The following FGF12 variants were observed in gnomAD, a reference collection of about 807,000 sequenced individuals.
FGF12 encodes the protein fibroblast growth factor 12B.
In FGF12, 14 loss-of-function variants were observed where a neutral mutation model predicts 23.6. The observed-to-expected ratio is 0.59, with a 90% CI of 0.39 to 0.93. FGF12 has a LOEUF of 0.93. Ranked by LOEUF, FGF12 falls within the 40% of genes least tolerant of loss-of-function variation. FGF12 has a pLI of 0.00. For missense variants in FGF12, 175 were observed against 217.8 expected (o/e 0.80, Z 1.24); for synonymous variants, 62 against 77.3 (o/e 0.80, Z 1.04).
chr3:192,660,411 AATG>A (rs1434707753), intron 2 of FGF12, among the ~76,000 whole-genome samples: 1 of 151,198 alleles, frequency 6.6e-6, no homozygotes, highest in Non-Finnish European at 1.5e-5. Context: ...CCTCATGTTA[AATG>A]ATGAGTTAAT....
intron 2 of FGF12, among the ~76,000 whole-genome samples, chr3:192,466,352 C>G (rs80128133): frequency 0.011 from 1,709 of 152,204 alleles, 25 homozygotes; most frequent in African/African-American, 0.04. Flanking sequence ...AGAATGTATG[C>G]GTGGTCTTCG....
At chr3:192,499,122 A>T (rs1462930028) in intron 2 of FGF12, among the ~76,000 whole-genome samples, 1 of 152,130 alleles carries the variant, frequency 6.6e-6, no homozygotes, top group African/African-American at 2.4e-5. Flanking sequence ...AGTGATACTA[A>T]ATAAGTTATA....
chr3:192,497,123 C>T (rs1302313924), intron 2 of FGF12, among the ~76,000 whole-genome samples: 1 of 152,144 alleles, frequency 6.6e-6, no homozygotes, highest in African/African-American at 2.4e-5. Flanking sequence ...CACATTCAAA[C>T]AGAACACTTT....
At chr3:192,640,963 C>T (rs539280113) in intron 2 of FGF12, among the ~76,000 whole-genome samples, 2 of 152,182 alleles carry the variant, frequency 1.3e-5, no homozygotes, top group East Asian at 1.9e-4. Flanking sequence ...CAGGTACATG[C>T]CACCATGCCC....
At chr3:192,556,738 T>C (rs1452627755) in intron 2 of FGF12, among the ~76,000 whole-genome samples, 2 of 152,036 alleles carry the variant, frequency 1.3e-5, no homozygotes, top group Non-Finnish European at 2.9e-5. Flanking sequence ...CACAAAACAT[T>C]CTCCAGGATA....
chr3:192,334,636 A>G (rs760062204), intron 4 of FGF12, among the ~76,000 whole-genome samples: 4 of 152,110 alleles, frequency 2.6e-5, no homozygotes, highest in Non-Finnish European at 5.9e-5. Flanking sequence ...AAAATATGTC[A>G]GTGCTGATAA....
At chr3:192,292,776 T>C (rs1360976459) in intron 4 of FGF12, among the ~76,000 whole-genome samples, 1 of 152,092 alleles carries the variant, frequency 6.6e-6, no homozygotes, top group East Asian at 1.9e-4. Flanking sequence ...AGGGACTTCT[T>C]ATTTATTTTC....
At position 192,335,444 on chromosome 3, in the gene FGF12, C is replaced by G. The variant is rs199832838; in HGVS notation, c.145G>C (p.Val49Leu). The G allele has an allele frequency of 6.2e-7, 1 of 1,612,494 alleles. No individual in the cohort carries two copies. Among genetic ancestry groups the G allele is most frequent in the Non-Finnish European group, 8.5e-7 (1 of 1,179,096 alleles). ...SDYTLFNLIP[V>L]GLRVVAIQGV... ...TGGATGGCCACTACACGCAGGCCCA[C>G]GGGAATTAGATTGAAGAGAGCTGGG... Residue 49 changes from valine to leucine, a missense_variant, in exon 4 of 6, where the codon GTG becomes CTG. By Grantham distance (32) the Val-to-Leu change is conservative. Coordinates refer to ENST00000445105, the MANE Select transcript of FGF12 (RefSeq NM_004113.6).
intron 3 of FGF12, among the ~76,000 whole-genome samples, chr3:192,339,388 T>C (rs1717582130): frequency 6.6e-6 from 1 of 152,160 alleles, no homozygotes; most frequent in Admixed American, 6.6e-5. Context: ...TTTAAGTCCC[T>C]TGCATCCTCT....
At position 192,666,925 on chromosome 3, in the gene FGF12, A is replaced by AGAT. The variant is rs1170927912; in HGVS notation, c.13+60253_13+60255dup. Among the ~76,000 whole-genome samples, 3 of 125,564 alleles carry AGAT rather than the reference A, an allele frequency of 2.4e-5. No individual in the cohort carries two copies. In the Admixed American group the frequency reaches 2.7e-4, roughly 11 times the overall value. The allele number at this position is 125,564 out of a possible 152,430, so 82.4% of individuals were successfully genotyped here. A position where few individuals can be genotyped will look rare whatever the true frequency, so the allele number is the denominator to read the frequency against. On this transcript the variant is annotated intron_variant, in intron 2 of 5. Coordinates refer to ENST00000445105, the MANE Select transcript of FGF12 (RefSeq NM_004113.6). ...ATAGTTGGATAGATAGATGATAGAT[A>AGAT]GATAGATAGATAGATAGATAGATAG...
chr3:192,683,709 G>T (rs1196582990), intron 2 of FGF12, among the ~76,000 whole-genome samples: 1 of 152,154 alleles, frequency 6.6e-6, no homozygotes, highest in Non-Finnish European at 1.5e-5. Flanking sequence ...CTCTTTAAAT[G>T]CTACTCTGCG....
intron 2 of FGF12, among the ~76,000 whole-genome samples, chr3:192,678,168 CTTA>C (rs1717394468): frequency 6.6e-6 from 1 of 152,216 alleles, no homozygotes; most frequent in Admixed American, 6.5e-5. Context: ...ATGCTTTTCA[CTTA>C]TTATTGTGTG....
At chr3:192,230,006 G>A (rs1231918038) in intron 4 of FGF12, among the ~76,000 whole-genome samples, 1 of 152,086 alleles carries the variant, frequency 6.6e-6, no homozygotes, top group African/African-American at 2.4e-5. Flanking sequence ...ATATGACGGA[G>A]CTTATTACCT....
rs557727914 is a variant in FGF12, at chr3:192,635,327, T to A, written c.13+91854A>T. 1.6e-4 allele frequency among the ~76,000 whole-genome samples: 25 copies of A among 152,300 alleles called. No individual in the cohort carries two copies. The South Asian group carries it at 5.2e-3, about 32-fold the overall frequency. On this transcript the variant is annotated intron_variant, in intron 2 of 5. Coordinates refer to ENST00000445105, the MANE Select transcript of FGF12 (RefSeq NM_004113.6). ...TTTCAAGTACCTCTTTACTCATAAC[T>A]CTTCTTGCTTTAGGCCAACCTGATT...
At chr3:192,151,009 T>C (rs1162555182) in intron 5 of FGF12, among the ~76,000 whole-genome samples, 2 of 147,436 alleles carry the variant, frequency 1.4e-5, no homozygotes, top group Admixed American at 6.9e-5. Context: ...TGGTTTGTAG[T>C]TCTCCTTGAA....
chr3:192,419,823 G>A (rs1270332497), intron 2 of FGF12, among the ~76,000 whole-genome samples: 3 of 152,086 alleles, frequency 2.0e-5, no homozygotes, highest in East Asian at 1.9e-4. Context: ...TTACTAACCC[G>A]GAAAGAAAGC....
intron 2 of FGF12, among the ~76,000 whole-genome samples, chr3:192,545,033 T>A (rs184778785): frequency 1.2e-4 from 18 of 152,238 alleles, no homozygotes; most frequent in African/African-American, 4.1e-4. Context: ...AGTAAGCTGG[T>A]ACAAAGACTC....
chr3:192,576,666 A>G (rs1712903496), intron 2 of FGF12, among the ~76,000 whole-genome samples: 1 of 152,200 alleles, frequency 6.6e-6, no homozygotes, highest in Admixed American at 6.5e-5. Context: ...AAAAATGCTC[A>G]TATTTTAATA....
intron 4 of FGF12, among the ~76,000 whole-genome samples, chr3:192,182,021 G>A (rs1716208377): frequency 6.6e-6 from 1 of 152,008 alleles, no homozygotes; most frequent in African/African-American, 2.4e-5. Context: ...AAATATAAAT[G>A]ATTTTTAAAA....
Sources: allele counts gnomAD v4.1 joint callset (sites outside exome capture counted in the v4.1 genomes callset), GRCh38; gene constraint gnomAD v4.1.1; transcripts MANE v1.5; gene names NCBI Gene and HGNC (gene_info 2026-07-23, HGNC 2026-07-21).